Variants in CBLN2 observed in about 807,000 individuals in gnomAD.
CBLN2 encodes cerebellin-2.
Under a neutral mutation model 15.0 loss-of-function variants are expected in CBLN2, and 7 were observed. The observed-to-expected ratio is 0.47, with a 90% confidence interval of 0.27 to 0.88. CBLN2 has a LOEUF of 0.88. CBLN2 is among the 40% of genes least tolerant of loss of function. CBLN2 has a pLI of 0.14. For missense variants in CBLN2, 242 were observed against 304.5 expected, an observed-to-expected ratio of 0.79 and a Z score of 1.53; for synonymous variants, 149 against 135.2, an observed-to-expected ratio of 1.10 and a Z score of -0.71.
At chr18:72,601,805 G>GGT (rs1338991579) in intron 1 of CBLN2, among the ~76,000 whole-genome samples, 1 of 152,170 alleles carries the variant, frequency 6.6e-6, no homozygotes, top group Non-Finnish European at 1.5e-5. Flanking sequence ...AGCGCTCACT[G>GGT]GTGCTCCCCC....
intron 1 of CBLN2, among the ~76,000 whole-genome samples, chr18:72,602,549 T>G (rs369649424): frequency 4.6e-5 from 7 of 152,282 alleles, no homozygotes; most frequent in African/African-American, 1.7e-4. Context: ...CAGCTCATCT[T>G]GGCAGCCGTC....
chr18:72,602,859 C>A (rs602564), intron 1 of CBLN2, among the ~76,000 whole-genome samples: 62,003 of 152,038 alleles, frequency 0.41, 14,484 homozygotes, highest in African/African-American at 0.63. Flanking sequence ...ATCAAGGAAC[C>A]CATTCCTTGT....
intron 1 of CBLN2, among the ~76,000 whole-genome samples, chr18:72,577,432 G>A (rs964573066): frequency 6.6e-6 from 1 of 152,076 alleles, no homozygotes. Context: ...ATAAAGGGGA[G>A]CATCTGAGGA....
At chr18:72,599,509 A>T (rs1021344264) in intron 1 of CBLN2, among the ~76,000 whole-genome samples, 1 of 152,198 alleles carries the variant, frequency 6.6e-6, no homozygotes, top group Non-Finnish European at 1.5e-5. Flanking sequence ...TGAACTTTTC[A>T]CTTCCATTTA....
At chr18:72,620,776 T>C (rs1042408112) in intron 1 of CBLN2, among the ~76,000 whole-genome samples, 1 of 152,206 alleles carries the variant, frequency 6.6e-6, no homozygotes, top group African/African-American at 2.4e-5. Flanking sequence ...GTTCAAGTGT[T>C]CAGATCTTCC....
chr18:72,588,312 A>G (rs2069456484), intron 1 of CBLN2, among the ~76,000 whole-genome samples: 2 of 152,362 alleles, frequency 1.3e-5, no homozygotes, highest in African/African-American at 4.8e-5. Flanking sequence ...TTATTCACCC[A>G]CTGAATCTAA....
intron 1 of CBLN2, among the ~76,000 whole-genome samples, chr18:72,605,728 A>T (rs1353907892): frequency 6.6e-6 from 1 of 152,250 alleles, no homozygotes; most frequent in Non-Finnish European, 1.5e-5. Context: ...AGAGTTTTCT[A>T]ATATATAATT....
chr18:72,582,088 T>G (rs1178001145), intron 1 of CBLN2, among the ~76,000 whole-genome samples: 1 of 152,212 alleles, frequency 6.6e-6, no homozygotes, highest in Non-Finnish European at 1.5e-5. Flanking sequence ...AAGCACTCTA[T>G]TTTTTCCCTG....
intron 1 of CBLN2, among the ~76,000 whole-genome samples, chr18:72,590,307 C>T (rs1040442996): frequency 2.0e-5 from 3 of 151,698 alleles, no homozygotes; most frequent in African/African-American, 7.3e-5. Flanking sequence ...ATTAGCCAGG[C>T]ATGGTGGCAG....
intron 1 of CBLN2, among the ~76,000 whole-genome samples, chr18:72,597,569 C>T (rs2069521180): frequency 6.6e-6 from 1 of 152,192 alleles, no homozygotes; most frequent in Non-Finnish European, 1.5e-5. Flanking sequence ...ACTCAAGGCC[C>T]AAGGTGTCTA....
intron 3 of CBLN2, chr18:72,539,274 C>T (rs1328217256): frequency 6.4e-6 from 1 of 155,844 alleles, no homozygotes; most frequent in Non-Finnish European, 1.4e-5. Flanking sequence ...GAGATCACTT[C>T]TGTAAGTTCA....
intron 3 of CBLN2, chr18:72,539,815 C>T (rs935237077): frequency 3.7e-4 from 57 of 152,114 alleles, no homozygotes; most frequent in African/African-American, 1.2e-3. Context: ...GATGGCCTGC[C>T]TTTTAAAACA....
chr18:72,574,162 AT>A (rs1464537240), intron 1 of CBLN2, among the ~76,000 whole-genome samples: 1 of 152,074 alleles, frequency 6.6e-6, no homozygotes, highest in Non-Finnish European at 1.5e-5. Flanking sequence ...TGTTTTAAGA[AT>A]TCTTTATATT....
intron 3 of CBLN2, among the ~76,000 whole-genome samples, chr18:72,541,591 C>T (rs2069111460): frequency 6.6e-6 from 1 of 152,176 alleles, no homozygotes; most frequent in Non-Finnish European, 1.5e-5. Flanking sequence ...GCCAAGTTAG[C>T]TGATCATTTA....
chr18:72,585,886 G>T (rs1424794674), intron 1 of CBLN2, among the ~76,000 whole-genome samples: 1 of 152,252 alleles, frequency 6.6e-6, no homozygotes, highest in Non-Finnish European at 1.5e-5. Flanking sequence ...CCCCAAGTGT[G>T]TGCCCACATG....
At chr18:72,603,464 C>T (rs182038470) in intron 1 of CBLN2, among the ~76,000 whole-genome samples, 4 of 152,256 alleles carry the variant, frequency 2.6e-5, no homozygotes, top group Non-Finnish European at 5.9e-5. Context: ...AAAGTAGTCA[C>T]TATATATTCT....
intron 1 of CBLN2, among the ~76,000 whole-genome samples, chr18:72,623,381 C>A (rs2069713896): frequency 6.6e-6 from 1 of 152,156 alleles, no homozygotes; most frequent in African/African-American, 2.4e-5. Flanking sequence ...CCCAAACTGA[C>A]AATCCTTATA....
chr18:72,617,131 C>CTAAG (rs1173727742), intron 1 of CBLN2, among the ~76,000 whole-genome samples: 2 of 152,178 alleles, frequency 1.3e-5, no homozygotes, highest in Non-Finnish European at 2.9e-5. Flanking sequence ...CAAACTCACA[C>CTAAG]ATCTTAATAC....
chr18:72,556,084 A>G (rs2069225451), intron 1 of CBLN2, among the ~76,000 whole-genome samples: 1 of 152,146 alleles, frequency 6.6e-6, no homozygotes, highest in Non-Finnish European at 1.5e-5. Flanking sequence ...AGGATCCCTA[A>G]TTACCTGTCC....
Sources: gnomAD v4.1 joint callset for allele counts (sites outside exome capture counted in the v4.1 genomes callset) on GRCh38, gnomAD v4.1.1 for gene constraint, MANE v1.5 for transcripts, NCBI Gene and HGNC (gene_info 2026-07-23, HGNC 2026-07-21) for gene names.